Variants in CDK14 observed in about 807,000 individuals in gnomAD.
The protein encoded by CDK14 is cyclin dependent kinase 14, also known as cyclin-dependent kinase 14.
A neutral mutation model predicts 60.7 loss-of-function variants in CDK14; 34 were observed. That is an observed-to-expected ratio of 0.56 (90% CI 0.43 to 0.75). The LOEUF (loss-of-function observed/expected upper bound fraction) is 0.75. Among genes scored for constraint, CDK14 ranks in the 30% least tolerant of loss-of-function variants. The probability of loss-of-function intolerance (pLI) is 0.00; values close to 1 mark genes in which losing one functional copy is unlikely to be tolerated. For missense variants in CDK14, 482 were observed against 564.1 expected (o/e 0.85, Z 1.47); for synonymous variants, 197 against 203.7 (o/e 0.97, Z 0.28).
At chr7:91,061,813 C>T (rs532117779) in intron 11 of CDK14, among the ~76,000 whole-genome samples, 3 of 152,326 alleles carry the variant, frequency 2.0e-5, no homozygotes, top group Admixed American at 2.0e-4. Context: ...TGCCCCTACT[C>T]GGGGGTGCCT....
At chr7:90,777,106 A>G (rs922387864) in intron 4 of CDK14, among the ~76,000 whole-genome samples, 5 of 152,100 alleles carry the variant, frequency 3.3e-5, no homozygotes, top group African/African-American at 7.2e-5. Context: ...CACTGTAGCT[A>G]TTATATATCT....
chr7:90,829,415 T>C (rs1211160328), intron 5 of CDK14, among the ~76,000 whole-genome samples: 2 of 152,142 alleles, frequency 1.3e-5, no homozygotes, highest in Admixed American at 1.3e-4. Flanking sequence ...CTTAGTTACT[T>C]CCAAGATACA....
intron 8 of CDK14, among the ~76,000 whole-genome samples, chr7:90,932,976 C>A (rs1351809669): frequency 6.6e-6 from 1 of 152,144 alleles, no homozygotes; most frequent in Non-Finnish European, 1.5e-5. Flanking sequence ...GTTTGCCAAC[C>A]ATTGTTGGTA....
intron 4 of CDK14, among the ~76,000 whole-genome samples, chr7:90,764,932 C>T (rs1340346016): frequency 6.6e-6 from 1 of 152,186 alleles, no homozygotes; most frequent in Non-Finnish European, 1.5e-5. Flanking sequence ...AGTTGAAAGA[C>T]CTGTTGTAAC....
intron 10 of CDK14, among the ~76,000 whole-genome samples, chr7:90,998,363 A>G (rs1795744666): frequency 6.6e-6 from 1 of 152,272 alleles, no homozygotes; most frequent in Non-Finnish European, 1.5e-5. Flanking sequence ...TGGATGAATA[A>G]AAACAGAATA....
intron 4 of CDK14, among the ~76,000 whole-genome samples, chr7:90,790,137 T>A (rs1805769789): frequency 6.6e-6 from 1 of 151,010 alleles, no homozygotes; most frequent in African/African-American, 2.4e-5. Flanking sequence ...GAATGTCAAG[T>A]TTCTGTCCTT....
intron 9 of CDK14, among the ~76,000 whole-genome samples, chr7:90,980,703 T>A (rs1249739982): frequency 6.6e-6 from 1 of 152,170 alleles, no homozygotes; most frequent in Non-Finnish European, 1.5e-5. Context: ...CTTTAGTACA[T>A]CCTCGAGCAT....
chr7:90,883,197 TAG>T (rs1562811964), intron 6 of CDK14, among the ~76,000 whole-genome samples: 10 of 151,798 alleles, frequency 6.6e-5, no homozygotes, highest in Non-Finnish European at 1.5e-5. Flanking sequence ...CACAGCCTCC[TAG>T]CTAGACTAAT....
chr7:91,095,728 TA>T (rs1369826284), intron 12 of CDK14, among the ~76,000 whole-genome samples: 1 of 151,892 alleles, frequency 6.6e-6, no homozygotes, highest in East Asian at 1.9e-4. Context: ...AAAAGATTAA[TA>T]AAAAATATAT....
At chr7:90,870,303 G>T (rs1791329034) in intron 6 of CDK14, among the ~76,000 whole-genome samples, 1 of 152,146 alleles carries the variant, frequency 6.6e-6, no homozygotes. Flanking sequence ...AGAACACATG[G>T]ACACATAGAG....
In CDK14 at chr7:91,045,900, C is replaced by G; in HGVS notation, c.1045C>G (p.Leu349Val). 6.2e-7 allele frequency: 1 copy of G among 1,606,956 alleles called. No individual in the cohort carries two copies. Among genetic ancestry groups the G allele is most frequent in the African/African-American group, 1.3e-5 (1 of 74,872 alleles). ...ACAATCTCCTACTCTCCACTAGGTT[C>G]TTGGAACACCAAATGAGGACACATG... ...QDQLERIFLV[L>V]GTPNEDTWPG... The change falls in exon 11 of 15, where the codon CTT (leucine) becomes GTT (valine). Residue 349 changes from leucine (L) to valine (V), a missense_variant. Leu to Val is a conservative substitution (Grantham distance 32). Transcript: ENST00000380050.
chr7:91,120,293 A>G (rs1163360553), intron 14 of CDK14, among the ~76,000 whole-genome samples: 3 of 152,150 alleles, frequency 2.0e-5, no homozygotes, highest in Admixed American at 1.3e-4. Flanking sequence ...ACAGGACAGA[A>G]GGGTTGCTCA....
chr7:91,073,410 T>G (rs942913965), intron 11 of CDK14, among the ~76,000 whole-genome samples: 1 of 152,156 alleles, frequency 6.6e-6, no homozygotes, highest in African/African-American at 2.4e-5. Flanking sequence ...CTAAGCTTCA[T>G]AAATGAAGGA....
At chr7:90,914,026 G>A (rs565112559) in intron 7 of CDK14, among the ~76,000 whole-genome samples, 119 of 152,206 alleles carry the variant, frequency 7.8e-4, no homozygotes, top group African/African-American at 2.6e-3. Flanking sequence ...AAGGTTGATC[G>A]TCCCCTTGCC....
chr7:91,043,480 A>C lies in CDK14; in HGVS notation c.1042-2417A>C, dbSNP rs182593949. On this transcript the variant is annotated intron_variant, in intron 10 of 14. Transcript: ENST00000380050. Reference sequence around the variant, plus strand: ...TGAGAACAAAGTGGAGCATTTCCAGATTAGCTGTATGTGCTGCCTGCAAAC... The same window carrying C: ...TGAGAACAAAGTGGAGCATTTCCAGCTTAGCTGTATGTGCTGCCTGCAAAC... Among the ~76,000 whole-genome samples the C allele has an allele frequency of 2.4e-4, 36 of 152,350 alleles. No individual in the cohort carries two copies. In the East Asian group the frequency reaches 6.9e-3, roughly 29 times the overall value.
intron 12 of CDK14, among the ~76,000 whole-genome samples, chr7:91,086,688 T>C (rs915721483): frequency 2.0e-5 from 3 of 152,084 alleles, no homozygotes; most frequent in Admixed American, 6.6e-5. Flanking sequence ...TGTGTGTATA[T>C]ATCTTAATTC....
chr7:90,810,421 A>G (rs962811030), intron 5 of CDK14, among the ~76,000 whole-genome samples: 4 of 152,154 alleles, frequency 2.6e-5, no homozygotes, highest in Admixed American at 2.0e-4. Context: ...AAATTCAACA[A>G]CCCTTCATGC....
chr7:90,889,856 G>A (rs1035362486), intron 6 of CDK14, among the ~76,000 whole-genome samples: 2 of 152,126 alleles, frequency 1.3e-5, no homozygotes, highest in Non-Finnish European at 2.9e-5. Flanking sequence ...AGACCATATT[G>A]TCTCTATCAT....
At chr7:91,086,192 C>T (rs1361290935) in intron 12 of CDK14, among the ~76,000 whole-genome samples, 1 of 152,148 alleles carries the variant, frequency 6.6e-6, no homozygotes, top group Non-Finnish European at 1.5e-5. Context: ...ATTTTTGCTT[C>T]TCACCCCTAT....
Sources: gnomAD v4.1 joint callset for allele counts (sites outside exome capture counted in the v4.1 genomes callset) on GRCh38, gnomAD v4.1.1 for gene constraint, MANE v1.5 for transcripts, NCBI Gene and HGNC (gene_info 2026-07-23, HGNC 2026-07-21) for gene names.